The following TMEM223 variants were observed in gnomAD, a reference collection of about 807,000 sequenced individuals.
TMEM223 encodes the protein transmembrane protein 223.
TMEM223 carries 14 observed loss-of-function variants against 14.1 expected under a neutral mutation model. The ratio of observed to expected loss-of-function variants is 0.99; its 90% CI spans 0.66 to 1.55. TMEM223 has a LOEUF of 1.55. Among genes scored for constraint, TMEM223 ranks in the 40% most tolerant of loss-of-function variants. The probability of loss-of-function intolerance (pLI) is 0.00; values close to 1 mark genes in which losing one functional copy is unlikely to be tolerated. For synonymous variants in TMEM223, 145 were observed against 120.5 expected, an observed-to-expected ratio of 1.20 and a Z score of -1.33; for missense variants, 346 against 269.9, an observed-to-expected ratio of 1.28 and a Z score of -1.97.
chr11:62,777,258 C>T (rs1256283407), intron 1 of TMEM223, among the ~76,000 whole-genome samples: 1 of 151,968 alleles, frequency 6.6e-6, no homozygotes, highest in African/African-American at 2.4e-5. Context: ...AACTGGAAGG[C>T]GTAGGTTGCA....
Position 62,779,977 on chromosome 11 carries a change from T to TATATA in TMEM223, c.315-5313_315-5312insTATAT, listed in dbSNP as rs1491411798. ...CTATATATATATATATATATATATA[T>TATATA]TTTTTTTTTTTTTTTTTTTAGAGAC... On this transcript the variant is annotated intron_variant, in intron 1 of 2. Coordinates refer to the TMEM223 transcript ENST00000528367. Among the ~76,000 whole-genome samples, 26 of 40,130 alleles carry TATATA rather than the reference T, an allele frequency of 6.5e-4. No homozygotes were observed. In the South Asian group the frequency reaches 9.9e-3, roughly 15 times the overall value. 26.3% of individuals were successfully genotyped at this position (40,130 alleles called of 152,430 possible).
intron 1 of TMEM223, chr11:62,782,163 G>A: frequency 1.2e-6 from 2 of 1,613,780 alleles, no homozygotes; most frequent in Non-Finnish European, 1.7e-6. Flanking sequence ...TGCTGCAGGT[G>A]GCACGGAGCC....
At chr11:62,779,976 A>ATATATATATATTTTTTTT (rs1294367864) in intron 1 of TMEM223, among the ~76,000 whole-genome samples, 1 of 52,632 alleles carries the variant, frequency 1.9e-5, no homozygotes, top group African/African-American at 7.7e-5. Flanking sequence ...ATATATATAT[A>ATATATATATATTTTTTTT]TTTTTTTTTT....
At chr11:62,771,649 C>G (rs913133057), downstream of TMEM223, 2 of 176,440 alleles carry the variant, frequency 1.1e-5, no homozygotes, top group East Asian at 1.6e-4. Context: ...ACCCCCTCCC[C>G]GATCTGGGCT....
At chr11:62,785,367 A>AT (rs1486799679), downstream of TMEM223, among the ~76,000 whole-genome samples, 1 of 147,226 alleles carries the variant, frequency 6.8e-6, no homozygotes, top group Non-Finnish European at 1.5e-5. Flanking sequence ...AATTTTTTGT[A>AT]TTTTTAGTAG....
chr11:62,791,258 T>C (rs1285024858), intron 1 of TMEM223, among the ~76,000 whole-genome samples: 1 of 151,788 alleles, frequency 6.6e-6, no homozygotes, highest in Non-Finnish European at 1.5e-5. Flanking sequence ...CATCACTGTT[T>C]CCCAATTTTT....
chr11:62,789,054 G>A, downstream of TMEM223: 1 of 1,614,072 alleles, frequency 6.2e-7, no homozygotes, highest in Non-Finnish European at 8.5e-7. Flanking sequence ...CCCCTGTATG[G>A]TGTGGCCACC....
rs1379938197 is a variant in TMEM223 at position 62,791,869 on chromosome 11, G to T, written c.126C>A (p.Gly42=). ...ACAGCCCGAGGATGGTGAAGAAGCG[G>T]CCCCGATCATGCTCAAAGAGCAGCA... is the stretch of plus-strand genomic sequence containing the variant. ...RDVLLFEHDR[G]RFFTILGLFC... is the part of the protein sequence containing the mutation. The change falls in exon 1 of 2, where the codon GGC becomes GGA. Residue 42 remains glycine (G), a synonymous_variant. Coordinates refer to ENST00000307366, the MANE Select transcript of TMEM223 (RefSeq NM_001080501.3). 6.3e-7 allele frequency: 1 copy of T among 1,593,322 alleles called. No individual in the cohort carries two copies. Among genetic ancestry groups the T allele is most frequent in the Non-Finnish European group, 8.5e-7 (1 of 1,170,648 alleles).
downstream of TMEM223, chr11:62,782,564 C>G: frequency 1.5e-6 from 2 of 1,374,712 alleles, no homozygotes; most frequent in East Asian, 2.3e-5. Flanking sequence ...TCACCCCTGG[C>G]AGCCTTCTTC....
Position 62,790,486 on chromosome 11 carries a change from G to T in TMEM223, c.*137C>A. 2.7e-6 allele frequency: 2 copies of T among 742,188 alleles called. No homozygotes were observed. Among genetic ancestry groups the T allele is most frequent in the Non-Finnish European group, 4.2e-6 (2 of 474,552 alleles). The allele number at this position is 742,188 out of a possible 1,614,324, so 46.0% of individuals were successfully genotyped here. On this transcript the variant is annotated 3_prime_UTR_variant, in exon 2 of 2. Transcript: ENST00000307366. ...AGACAAGGTCTCGCTATGTTGCCCA[G>T]CCTGGGCTCGAGCAGTGCTCCTGCC...
chr11:62,783,202 G>A (rs1387677470), downstream of TMEM223, among the ~76,000 whole-genome samples: 9 of 152,170 alleles, frequency 5.9e-5, no homozygotes, highest in African/African-American at 1.4e-4. Context: ...AGGTGTTGGC[G>A]CCGGGCGCAG....
chr11:62,779,545 C>T (rs181799098), intron 1 of TMEM223, among the ~76,000 whole-genome samples: 30 of 152,114 alleles, frequency 2.0e-4, no homozygotes, highest in Middle Eastern at 3.4e-3. Flanking sequence ...AGACTGGTCT[C>T]GAACTCCCGA....
downstream of TMEM223, chr11:62,789,857 C>G: frequency 6.2e-7 from 1 of 1,603,634 alleles, no homozygotes; most frequent in Non-Finnish European, 8.5e-7. Flanking sequence ...TGGTCCCACT[C>G]CTGACGATCC....
downstream of TMEM223, chr11:62,788,049 A>G (rs2084309349): frequency 2.2e-5 from 10 of 454,588 alleles, no homozygotes; most frequent in South Asian, 1.6e-4. Flanking sequence ...GTTAATAAAC[A>G]TGGGTTCATT....
At chr11:62,787,164 G>A (rs553298284), downstream of TMEM223, 347 of 1,581,114 alleles carry the variant, frequency 2.2e-4, 6 homozygotes, top group South Asian at 3.7e-3. Flanking sequence ...GCCTTTTCCA[G>A]ACTGCCTTCC....
downstream of TMEM223, chr11:62,786,934 C>T (rs781427424): frequency 1.4e-5 from 20 of 1,469,030 alleles, no homozygotes; most frequent in Admixed American, 1.0e-4. Context: ...CGAGAGCCCC[C>T]GGGGCAGCGG....
At chr11:62,778,950 C>G (rs780133843) in intron 1 of TMEM223, 42 of 1,613,766 alleles carry the variant, frequency 2.6e-5, no homozygotes, top group Non-Finnish European at 3.5e-5. Flanking sequence ...GGGGATGATC[C>G]GCAACTGATG....
chr11:62,775,703 G>A, intron 1 of TMEM223: 5 of 1,511,836 alleles, frequency 3.3e-6, no homozygotes, highest in South Asian at 2.5e-5. Flanking sequence ...TGTGGAGGGT[G>A]TTGGATCACA....
chr11:62,782,319 C>T, intron 1 of TMEM223: 1 of 1,613,668 alleles, frequency 6.2e-7, no homozygotes, highest in East Asian at 2.2e-5. Context: ...CCCTCCTGCT[C>T]AGCCACATCT....
Sources: allele counts gnomAD v4.1 joint callset (sites outside exome capture counted in the v4.1 genomes callset), GRCh38; gene constraint gnomAD v4.1.1; transcripts MANE v1.5; gene names NCBI Gene and HGNC (gene_info 2026-07-23, HGNC 2026-07-21).